Variants in ELP2 observed in about 807,000 individuals in gnomAD.
ELP2 encodes the protein elongator acetyltransferase complex subunit 2, also known as elongator complex protein 2.
A neutral mutation model predicts 119.2 loss-of-function variants in ELP2; 90 were observed. That is an observed-to-expected ratio of 0.75 (90% CI 0.64 to 0.90). The LOEUF (loss-of-function observed/expected upper bound fraction) is 0.90, where lower values mean the gene tolerates loss of function less well. Ranked by LOEUF, ELP2 falls within the 40% of genes least tolerant of loss-of-function variation. The pLI, the probability that ELP2 is intolerant of heterozygous loss-of-function variation, is 0.00. For missense variants in ELP2, 921 were observed against 967.8 expected (o/e 0.95, Z 0.64); for synonymous variants, 339 against 331.0 (o/e 1.02, Z -0.26).
intron 6 of ELP2, chr18:36,141,559 T>C: frequency 4.0e-6 from 1 of 248,688 alleles, no homozygotes; most frequent in Non-Finnish European, 8.0e-6. Context: ...TACTTAGATT[T>C]TGAGTGGTTA....
chr18:36,139,606 C>A, intron 5 of ELP2: 18 of 1,533,154 alleles, frequency 1.2e-5, no homozygotes, highest in Non-Finnish European at 1.6e-5. Flanking sequence ...CATCTGCATT[C>A]AGGCCAAGTG....
intron 11 of ELP2, among the ~76,000 whole-genome samples, chr18:36,150,491 T>C (rs181498155): frequency 1.0e-3 from 158 of 152,308 alleles, no homozygotes; most frequent in African/African-American, 3.6e-3. Context: ...TAGGGATAGC[T>C]TCAGCTAATG....
chr18:36,159,830 G>A lies in ELP2; in HGVS notation c.1630G>A (p.Glu544Lys). Reference protein sequence around the residue: ...QVAFQPSILTEPPTEDHLLQN... With the variant: ...QVAFQPSILTKPPTEDHLLQN... Reference sequence around the variant, plus strand: ...GGCCTTTCAGCCCTCCATACTTACTGGTAAGATGTGACAAAGACAATTTAA... The same window carrying A: ...GGCCTTTCAGCCCTCCATACTTACTAGTAAGATGTGACAAAGACAATTTAA... The change falls in exon 15 of 22, where the codon GAG becomes AAG. Residue 544 changes from glutamate (E) to lysine (K), a missense_variant and splice_region_variant. Physicochemically the swap from Glu to Lys is moderately conservative, Grantham distance 56. Coordinates refer to ENST00000358232, the MANE Select transcript of ELP2 (RefSeq NM_018255.4). 1 of 1,613,060 alleles carries A rather than the reference G, an allele frequency of 6.2e-7. No individual in the cohort carries two copies. The highest frequency in any genetic ancestry group is 8.5e-7 in the Non-Finnish European group (1 of 1,179,190).
chr18:36,156,516 A>G lies in ELP2; in HGVS notation c.1326A>G (p.Lys442=), dbSNP rs954680919. The G allele has an allele frequency of 1.2e-6, 2 of 1,614,118 alleles. No homozygotes were observed. Among genetic ancestry groups the G allele is most frequent in the Admixed American group, 1.7e-5 (1 of 60,026 alleles). Residue 442 remains lysine, a synonymous_variant, in exon 13 of 22, where the codon AAA becomes AAG. Coordinates refer to ENST00000358232, the MANE Select transcript of ELP2 (RefSeq NM_018255.4). ...ARPQIHGYDL[K]CLAMINRFQF... is the part of the protein sequence containing the mutation. ...CTCAGATACATGGGTATGACCTGAA[A>G]TGTTTGGCAATGATTAATCGGTTTC...
chr18:36,166,920 T>C, intron 18 of ELP2, 181 bp from the exon 19 acceptor site: 2 of 451,942 alleles, frequency 4.4e-6, no homozygotes, highest in South Asian at 4.9e-5. Flanking sequence ...ACTAGAAAAA[T>C]AGCTGTGTCC....
At chr18:36,171,254 A>G (rs2091073566) in intron 21 of ELP2, 94 bp downstream of exon 21, 9 of 804,400 alleles carry the variant, frequency 1.1e-5, no homozygotes, top group Non-Finnish European at 1.7e-5. Context: ...GGAGAGGGAC[A>G]TATATCTGTA....
chr18:36,136,332 A>T lies in ELP2; in HGVS notation c.243A>T (p.Gly81=). The T allele has an allele frequency of 6.2e-7, 1 of 1,611,676 alleles. No homozygotes were observed. The highest frequency in any genetic ancestry group is 8.5e-7 in the Non-Finnish European group (1 of 1,177,736). The change falls in exon 3 of 22, where the codon GGA becomes GGT. Residue 81 remains glycine, a synonymous_variant. Transcript: ENST00000358232. ...DGSPSTELVS[G]GSDNQVIHWE... ...CCCCTTCTACTGAATTAGTTTCTGG[A>T]GGATCTGATAATCAAGTGATTCACT...
chr18:36,171,834 A>T (rs1361751209), intron 21 of ELP2, among the ~76,000 whole-genome samples: 1 of 152,174 alleles, frequency 6.6e-6, no homozygotes, highest in African/African-American at 2.4e-5. Context: ...TTCCTACCTC[A>T]GCCTCCCAAA....
intron 6 of ELP2, among the ~76,000 whole-genome samples, chr18:36,141,811 C>T (rs1246951115): frequency 6.6e-6 from 1 of 151,784 alleles, no homozygotes; most frequent in Non-Finnish European, 1.5e-5. Context: ...CTGCCTCAGC[C>T]TCCTGTGTAG....
intron 1 of ELP2, among the ~76,000 whole-genome samples, chr18:36,130,888 G>T (rs1463996004): frequency 6.6e-6 from 1 of 152,150 alleles, no homozygotes; most frequent in Non-Finnish European, 1.5e-5. Context: ...TTCATTATTG[G>T]CCAGGAGCGT....
At chr18:36,166,842 G>A in intron 18 of ELP2, 1 of 265,626 alleles carries the variant, frequency 3.8e-6, no homozygotes, top group Non-Finnish European at 7.0e-6. Context: ...TTGAACTTCA[G>A]TTGAGTGTTT....
chr18:36,158,560 CTT>C (rs1425323419), intron 13 of ELP2: 3 of 355,278 alleles, frequency 8.4e-6, no homozygotes, highest in African/African-American at 2.1e-5. Context: ...GATGAGGTCC[CTT>C]TATGGATGAG....
chr18:36,158,750 C>T (rs981918664), intron 13 of ELP2, 85 bp from the exon 14 acceptor site: 2 of 963,660 alleles, frequency 2.1e-6, no homozygotes, highest in Admixed American at 3.7e-5. Context: ...TTTTGTAGTG[C>T]CTGAAGTAAC....
chr18:36,131,991 A>G (rs1286191075), intron 1 of ELP2, among the ~76,000 whole-genome samples: 2 of 133,438 alleles, frequency 1.5e-5, no homozygotes, highest in African/African-American at 5.8e-5. Context: ...GCAACCTGCA[A>G]CCTCCACCTC....
At chr18:36,147,008 A>G (rs982738608) in intron 11 of ELP2, among the ~76,000 whole-genome samples, 4 of 151,868 alleles carry the variant, frequency 2.6e-5, no homozygotes, top group African/African-American at 7.2e-5. Context: ...GCCTGGGTTC[A>G]CTTACTAGCT....
In ELP2 at chr18:36,138,067, A is replaced by G. The variant is rs73946773; in HGVS notation, c.289-203A>G. On this transcript the variant is annotated intron_variant, in intron 3 of 21. Transcript: ENST00000358232. The stretch of plus-strand genomic sequence containing the variant: ...AATACCTATTGTCTCCTCAGAGTAG[A>G]TTCCTAGATATGAGATTGCTGTGTC... 4.8e-3 allele frequency: 2,689 copies of G among 561,086 alleles called. 52 individuals carry two copies. The highest frequency in any genetic ancestry group is 0.043 in the African/African-American group (2,303 of 53,090). 34.8% of individuals were successfully genotyped at this position (561,086 alleles called of 1,614,324 possible). A position where few individuals can be genotyped will look rare whatever the true frequency, so the allele number is the denominator to read the frequency against.
At chr18:36,143,014 G>A in intron 8 of ELP2, 48 bp downstream of exon 8, 1 of 1,424,208 alleles carries the variant, frequency 7.0e-7, no homozygotes, top group African/African-American at 1.5e-5. Flanking sequence ...AGGTCTCCTA[G>A]TTGGTTGATT....
In ELP2 at chr18:36,163,275, G is replaced by GGTGT. The variant is rs59728775; in HGVS notation, c.1762-1179_1762-1176dup. ...TATGGCCGAGTAGTAGTTCATGGGGGGTGTGTGTGTGTGTGTGTGTGTGTA... is the reference window on the plus strand; with the variant it reads ...TATGGCCGAGTAGTAGTTCATGGGGGGTGTGTGTGTGTGTGTGTGTGTGTGTGTA... On this transcript the variant is annotated intron_variant, in intron 17 of 21. Coordinates refer to ENST00000358232, the MANE Select transcript of ELP2 (RefSeq NM_018255.4). Among the ~76,000 whole-genome samples, 135 of 145,484 alleles carry GGTGT rather than the reference G, an allele frequency of 9.3e-4. 1 individual carries two copies. Among genetic ancestry groups the GGTGT allele is most frequent in the African/African-American group, 3.2e-3 (128 of 39,540 alleles).
Position 36,154,763 on chromosome 18 carries a change from A to C in ELP2, c.1126-87A>C, listed in dbSNP as rs73946776. ...GCTTTTCACCTTGCCAGAGGGCTTT[A>C]GTCTTCTCTGTTATCAGACGTGAGT... is the stretch of plus-strand genomic sequence containing the variant. On this transcript the variant is annotated intron_variant, in intron 11 of 21. Transcript: ENST00000358232. 1.9e-3 allele frequency: 2,764 copies of C among 1,469,856 alleles called. 41 individuals are homozygous for C. The African/African-American group carries it at 0.031, about 16-fold the overall frequency. The allele number at this position is 1,469,856 out of a possible 1,614,324, so 91.1% of individuals were successfully genotyped here. A position where few individuals can be genotyped will look rare whatever the true frequency, so the allele number is the denominator to read the frequency against.
Sources: gnomAD v4.1 joint callset for allele counts (sites outside exome capture counted in the v4.1 genomes callset) on GRCh38, gnomAD v4.1.1 for gene constraint, MANE v1.5 for transcripts, NCBI Gene and HGNC (gene_info 2026-07-23, HGNC 2026-07-21) for gene names.